TTN: variants seen among roughly 807,000 people sequenced by gnomAD.
The protein encoded by TTN is connectin.
TTN carries 1,525 observed loss-of-function variants against 3,223.0 expected under a neutral mutation model. The observed-to-expected ratio is 0.47, with a 90% confidence interval of 0.45 to 0.49. The LOEUF is 0.49. Ranked by LOEUF, TTN falls within the 20% of genes least tolerant of loss-of-function variation. TTN has a pLI of 0.00. For missense variants in TTN, 40,786 were observed against 43,424.0 expected (o/e 0.94, Z 5.40); for synonymous variants, 14,094 against 15,161.0 (o/e 0.93, Z 5.17).
chr2:178,756,508 C>G lies in TTN; in HGVS notation c.10968G>C (p.Thr3656=). Residue 3656 remains threonine (T), a synonymous_variant, in exon 46 of 363, where the codon ACG becomes ACC. Transcript: ENST00000589042. ...ELSKECAKES[T]GEAPKIFLHL... is the part of the protein sequence containing the mutation. Reference sequence around the variant, plus strand: ...GCAGGAAAATCTTGGGCGCCTCACCCGTGGACTCTTTAGCACATTCCTTAG... The same window carrying G: ...GCAGGAAAATCTTGGGCGCCTCACCGGTGGACTCTTTAGCACATTCCTTAG... 1 of 1,613,746 alleles carries G rather than the reference C, an allele frequency of 6.2e-7. No individual in the cohort carries two copies. Among genetic ancestry groups the G allele is most frequent in the Non-Finnish European group, 8.5e-7 (1 of 1,179,788 alleles).
Position 178,597,552 on chromosome 2 carries a change from A to G in TTN, c.57530T>C (p.Ile19177Thr). The change falls in exon 294 of 363, where the codon ATT (isoleucine) becomes ACT (threonine). Residue 19177 changes from isoleucine (I) to threonine (T), a missense_variant. Physicochemically the swap from Ile to Thr is moderately conservative, Grantham distance 89. Transcript: ENST00000589042. The stretch of plus-strand genomic sequence containing the variant: ...AAAGTATTTACCTAATACATCAACA[A>G]TAATTGTCTTCTTTCTTTCTCCGGC... ...NEAGERKKTIIVDVLDVPGPV... is the reference protein window; with the variant it reads ...NEAGERKKTITVDVLDVPGPV... 6.2e-7 allele frequency: 1 copy of G among 1,611,902 alleles called. No homozygotes were observed. Among genetic ancestry groups the G allele is most frequent in the Non-Finnish European group, 8.5e-7 (1 of 1,179,076 alleles).
At position 178,777,012 on chromosome 2, in the gene TTN, C is replaced by A. The variant is rs794727465; in HGVS notation, c.4852G>T (p.Asp1618Tyr). 1.2e-6 allele frequency: 2 copies of A among 1,613,840 alleles called. No homozygotes were observed. The highest frequency in any genetic ancestry group is 1.3e-5 in the African/African-American group (1 of 74,894). The part of the protein sequence containing the change: ...GTKGEAALKI[D>Y]STVSQDSAWY... ...GCAGAATCTTGGCTGACAGTGGAAT[C>A]GATTTTAAGGGCAGCTTCTCCCTTG... is the stretch of plus-strand genomic sequence containing the variant. Residue 1618 changes from aspartate to tyrosine, a missense_variant, in exon 28 of 363, where the codon GAT becomes TAT. Physicochemically the swap from Asp to Tyr is radical, Grantham distance 160. Coordinates refer to ENST00000589042, the MANE Select transcript of TTN (RefSeq NM_001267550.2).
chr2:178,749,375 C>T (rs1413497590), intron 47 of TTN: 1 of 1,613,030 alleles, frequency 6.2e-7, no homozygotes, highest in East Asian at 2.2e-5. Context: ...TTTTATGGTT[C>T]TTGAAGCACC....
chr2:178,612,963 A>G lies in TTN; in HGVS notation c.49758T>C (p.Tyr16586=), dbSNP rs72677247. The G allele has an allele frequency of 1.7e-4, 281 of 1,612,730 alleles. 4 individuals are homozygous for G. The South Asian group carries it at 2.1e-3, about 12-fold the overall frequency. ...EHDGGAKIES[Y]VIEMLKTGTD... is the part of the protein sequence containing the mutation. ...TTCCAGTCTTCAGCATTTCAATGAC[A>G]TAAGACTCAATCTTTGCACCTCCAT... Residue 16586 remains tyrosine, a synonymous_variant, in exon 265 of 363, where the codon TAT becomes TAC. Transcript: ENST00000589042.
rs2079471482 is a variant in TTN at position 178,727,101 on chromosome 2, A to G, written c.20264T>C (p.Val6755Ala). 2 of 1,543,586 alleles carry G rather than the reference A, an allele frequency of 1.3e-6. No individual in the cohort carries two copies. The highest frequency in any genetic ancestry group is 2.7e-5 in the African/African-American group (2 of 72,970). ...PAGSTSCSTK[V>A]IVKEPPVFSS... is the part of the protein sequence containing the mutation. ...AACAAGATGTCTACCTTTTACTATA[A>G]CCTTGGTACTGCAGCTTGTGCTGCC... Residue 6755 changes from valine to alanine, a missense_variant, in exon 69 of 363, where the codon GTT (valine) becomes GCT (alanine). By Grantham distance (64) the Val-to-Ala change is moderately conservative. Coordinates refer to ENST00000589042, the MANE Select transcript of TTN (RefSeq NM_001267550.2).
At position 178,552,650 on chromosome 2, in the gene TTN, T is replaced by C. The variant is rs376597164; in HGVS notation, c.90250A>G (p.Lys30084Glu). 6 of 1,613,970 alleles carry C rather than the reference T, an allele frequency of 3.7e-6. No homozygotes were observed. In the East Asian group the frequency reaches 1.1e-4, roughly 30 times the overall value. ...TGGCTAACCTCAATTTCACATGTCT[T>C]ACTTATGCCAGCGTGGGACCACGTC... Reference protein sequence around the residue: ...EQTWSHAGISKTCEIEVSQLK... With the variant: ...EQTWSHAGISETCEIEVSQLK... The change falls in exon 335 of 363, where the codon AAG (lysine) becomes GAG (glutamate). Residue 30084 changes from lysine to glutamate, a missense_variant. Lys to Glu is a moderately conservative substitution (Grantham distance 56, BLOSUM62 1). Coordinates refer to ENST00000589042, the MANE Select transcript of TTN (RefSeq NM_001267550.2).
At chr2:178,671,247 T>C (rs943607822) in intron 155 of TTN, 77 bp from the exon 156 acceptor site, 17 of 980,326 alleles carry the variant, frequency 1.7e-5, no homozygotes, top group African/African-American at 3.5e-5. Flanking sequence ...GTTAGTACAA[T>C]GAGGGGTCAC....
intron 8 of TTN, 56 bp from the exon 9 acceptor site, chr2:178,793,597 G>A (rs1020478176): frequency 1.9e-6 from 3 of 1,606,736 alleles, no homozygotes; most frequent in East Asian, 2.2e-5. Flanking sequence ...ATAAAAATTA[G>A]TTCAAGACCA....
chr2:178,779,057 A>G lies in TTN; in HGVS notation c.4025T>C (p.Leu1342Pro), dbSNP rs1561323110. ...ACGCAGACTAGCTCTGCCATCTTGT[A>G]GAAAGTCCATTTGGTATCTTTCTCC... ...KHGERYQMDF[L>P]QDGRASLRIP... The change falls in exon 24 of 363, where the codon CTA (leucine) becomes CCA (proline). Residue 1342 changes from leucine to proline, a missense_variant. Transcript: ENST00000589042. 1.2e-6 allele frequency: 2 copies of G among 1,614,018 alleles called. No homozygotes were observed. Among genetic ancestry groups the G allele is most frequent in the Non-Finnish European group, 8.5e-7 (1 of 1,179,954 alleles).
At position 178,734,860 on chromosome 2, in the gene TTN, G is replaced by A. The variant is rs931153562; in HGVS notation, c.15064C>T (p.Leu5022Phe). 1 of 1,613,566 alleles carries A rather than the reference G, an allele frequency of 6.2e-7. No homozygotes were observed. The highest frequency in any genetic ancestry group is 1.3e-5 in the African/African-American group (1 of 74,912). Reference protein sequence around the residue: ...QVTWFKNNKELSESNTVRMYF... With the variant: ...QVTWFKNNKEFSESNTVRMYF... ...ATTCGGACTGTGTTACTTTCACTGAGTTCTTTGTTATTTTTAAACCAAGTA... is the reference window on the plus strand; with the variant it reads ...ATTCGGACTGTGTTACTTTCACTGAATTCTTTGTTATTTTTAAACCAAGTA... The change falls in exon 51 of 363, where the codon CTC becomes TTC. Residue 5022 changes from leucine (L) to phenylalanine (F), a missense_variant. Physicochemically the swap from Leu to Phe is conservative, Grantham distance 22. Coordinates refer to ENST00000589042, the MANE Select transcript of TTN (RefSeq NM_001267550.2).
chr2:178,724,222 A>T (rs1394658374), intron 72 of TTN, 38 bp downstream of exon 72: 17 of 1,589,366 alleles, frequency 1.1e-5, no homozygotes, highest in Non-Finnish European at 1.5e-5. Context: ...TGTAAAAGGA[A>T]TTTGCATAAG....
chr2:178,595,226 A>G, intron 295 of TTN, among the ~76,000 whole-genome samples: 1 of 152,026 alleles, frequency 6.6e-6, no homozygotes, highest in East Asian at 1.9e-4. Context: ...AGCCAAGATC[A>G]TGACACTATA....
At chr2:178,770,887 T>G (rs907328705) in intron 34 of TTN, 2 of 827,990 alleles carry the variant, frequency 2.4e-6, no homozygotes, top group African/African-American at 3.3e-5. Context: ...GATTTTTCTA[T>G]GCTTTAGTAG....
rs1437065772 is a variant in TTN, at chr2:178,587,110, ATACT to A, written c.64093+4_64093+7del. 3.7e-6 allele frequency: 6 copies of A among 1,612,964 alleles called. No homozygotes were observed. In the African/African-American group the frequency reaches 5.3e-5, roughly 14 times the overall value. On this transcript the variant is annotated splice_donor_5th_base_variant and intron_variant, in intron 307 of 362. Coordinates refer to ENST00000589042, the MANE Select transcript of TTN (RefSeq NM_001267550.2). ...GGGTTAAAAGGAGGAAGAAAGCATAATACTTACTTAGAGGATCTGATGCAAGCAC... is the reference window on the plus strand; with the variant it reads ...GGGTTAAAAGGAGGAAGAAAGCATAATACTTAGAGGATCTGATGCAAGCAC...
rs566665016 is a variant in TTN, at chr2:178,766,635, A to AAAC, written c.9472-26_9472-24dup. 391 of 1,581,906 alleles carry AAAC rather than the reference A, an allele frequency of 2.5e-4. 1 individual carries two copies. The African/African-American group carries it at 4.5e-3, about 18-fold the overall frequency. ...GACCTGTTGATGGAACAACATAAAAAAACAACAACAACAACAAAAACTTGA... is the reference window on the plus strand; with the variant it reads ...GACCTGTTGATGGAACAACATAAAAAAACAACAACAACAACAACAAAAACTTGA... On this transcript the variant is annotated intron_variant, in intron 40 of 362. Transcript: ENST00000589042.
In TTN at chr2:178,799,911, C is replaced by T; in HGVS notation, c.584-1G>A. 1 of 1,613,982 alleles carries T rather than the reference C, an allele frequency of 6.2e-7. No homozygotes were observed. The highest frequency in any genetic ancestry group is 8.5e-7 in the Non-Finnish European group (1 of 1,179,926). On this transcript the variant is annotated splice_acceptor_variant, in intron 4 of 362. Transcript: ENST00000589042. LOFTEE classifies it high-confidence loss of function. ...TTTTTAGCAGGTACTTCTTCTTCAC[C>T]TGTGGGAAGGGAAAGATGAATGTTT...
Position 178,714,568 on chromosome 2 carries a change from G to A in TTN, c.26206C>T (p.Pro8736Ser), listed in dbSNP as rs777166872. ...TCACTGAGCTTCTTCACAAATCTTG[G>A]TGGTGCTGATGAAAAAGGAGGAAAG... ...CVGSIALKAPPRFVKKLSDIS... is the reference protein window; with the variant it reads ...CVGSIALKAPSRFVKKLSDIS... The change falls in exon 91 of 363, where the codon CCA becomes TCA. Residue 8736 changes from proline (P) to serine (S), a missense_variant. Physicochemically the swap from Pro to Ser is moderately conservative, Grantham distance 74. Coordinates refer to ENST00000589042, the MANE Select transcript of TTN (RefSeq NM_001267550.2). 1.3e-6 allele frequency: 2 copies of A among 1,593,874 alleles called. No homozygotes were observed. Among genetic ancestry groups the A allele is most frequent in the South Asian group, 1.1e-5 (1 of 88,298 alleles).
At chr2:178,766,160 A>T (rs1005916765) in intron 41 of TTN, among the ~76,000 whole-genome samples, 2 of 152,228 alleles carry the variant, frequency 1.3e-5, no homozygotes, top group Non-Finnish European at 2.9e-5. Context: ...CCAGATGAGG[A>T]TCTGGCCATC....
chr2:178,710,520 T>C (rs1268688557), intron 98 of TTN, 115 bp downstream of exon 98: 1 of 1,279,600 alleles, frequency 7.8e-7, no homozygotes, highest in Non-Finnish European at 1.1e-6. Flanking sequence ...AAACATTTTC[T>C]TTTCATTTGT....
Sources: gnomAD v4.1 joint callset for allele counts (sites outside exome capture counted in the v4.1 genomes callset) on GRCh38, gnomAD v4.1.1 for gene constraint, MANE v1.5 for transcripts, NCBI Gene and HGNC (gene_info 2026-07-23, HGNC 2026-07-21) for gene names.